OPRK1: variants seen among roughly 807,000 people sequenced by gnomAD.
The protein encoded by OPRK1 is opioid receptor kappa 1, also known as kappa-type opioid receptor.
A neutral mutation model predicts 24.5 loss-of-function variants in OPRK1; 15 were observed. The ratio of observed to expected loss-of-function variants is 0.61; its 90% confidence interval spans 0.41 to 0.94. The LOEUF (loss-of-function observed/expected upper bound fraction) is 0.94. OPRK1 is among the 40% of genes least tolerant of loss of function. OPRK1 has a pLI of 0.00. For missense variants in OPRK1, 479 were observed against 507.3 expected, an observed-to-expected ratio of 0.94 and a Z score of 0.54; for synonymous variants, 205 against 198.0, an observed-to-expected ratio of 1.04 and a Z score of -0.30.
chr8:53,238,401 T>C (rs1341261177), intron 2 of OPRK1: 11 of 325,432 alleles, frequency 3.4e-5, no homozygotes, highest in Non-Finnish European at 4.4e-5. Context: ...GAGCATATGG[T>C]ATGAAAAGAG....
chr8:53,238,061 TAC>T (rs1807034056), intron 2 of OPRK1, among the ~76,000 whole-genome samples: 1 of 152,236 alleles, frequency 6.6e-6, no homozygotes, highest in South Asian at 2.1e-4. Context: ...TTCTGCGTAC[TAC>T]ACTGGACTAC....
chr8:53,247,956 A>G (rs1293425912), intron 2 of OPRK1, among the ~76,000 whole-genome samples: 1 of 133,108 alleles, frequency 7.5e-6, no homozygotes, highest in East Asian at 2.3e-4. Flanking sequence ...ATGCCGCTGC[A>G]CTCCAGCCTG....
At chr8:53,233,423 T>C (rs1806904277) in intron 3 of OPRK1, among the ~76,000 whole-genome samples, 1 of 152,130 alleles carries the variant, frequency 6.6e-6, no homozygotes. Context: ...CTAGATTAAG[T>C]CTAAAAACAA....
chr8:53,227,871 C>T lies in OPRK1; in HGVS notation c.*1426G>A, dbSNP rs199925957. ...TCTATTAAATTCCAGAGGATGCAGC[C>T]CTAGTAATATATAGGCTTGGAGTGT... On this transcript the variant is annotated 3_prime_UTR_variant, in exon 4 of 4. Coordinates refer to ENST00000265572, the MANE Select transcript of OPRK1 (RefSeq NM_000912.5). 7.3e-5 allele frequency: 11 copies of T among 151,666 alleles called. No homozygotes were observed. The highest frequency in any genetic ancestry group is 1.3e-4 in the Non-Finnish European group (9 of 67,994). The allele number at this position is 151,666 out of a possible 1,614,324, so 9.4% of individuals were successfully genotyped here.
At position 53,251,569 on chromosome 8, in the gene OPRK1, G is replaced by A; in HGVS notation, c.-170C>T. ...TCACCTGCTCTCGGACCCCGGCCCC[G>A]CTCTCCGCCCGAGGGCTGCTGTTCC... On this transcript the variant is annotated 5_prime_UTR_variant, in exon 1 of 4. Coordinates refer to ENST00000265572, the MANE Select transcript of OPRK1 (RefSeq NM_000912.5). 6.6e-6 allele frequency: 1 copy of A among 152,600 alleles called. No individual in the cohort carries two copies. The highest frequency in any genetic ancestry group is 1.5e-5 in the Non-Finnish European group (1 of 68,274). The allele number at this position is 152,600 out of a possible 1,614,324, so 9.5% of individuals were successfully genotyped here.
chr8:53,235,745 C>A (rs1318900974), intron 2 of OPRK1, among the ~76,000 whole-genome samples: 1 of 152,124 alleles, frequency 6.6e-6, no homozygotes, highest in African/African-American at 2.4e-5. Flanking sequence ...TAGTATGGTA[C>A]AGCAGAAAAG....
chr8:53,249,824 G>A (rs940704646), intron 2 of OPRK1, among the ~76,000 whole-genome samples: 5 of 151,946 alleles, frequency 3.3e-5, no homozygotes, highest in African/African-American at 9.7e-5. Context: ...CTTGCATCCC[G>A]CCCTTATTTC....
chr8:53,234,139 G>A (rs576702988), intron 3 of OPRK1, among the ~76,000 whole-genome samples: 16 of 137,826 alleles, frequency 1.2e-4, no homozygotes, highest in South Asian at 7.0e-4. Flanking sequence ...AGCCGATATC[G>A]CGCCACTGCA....
At chr8:53,244,911 G>A (rs775468914) in intron 2 of OPRK1, among the ~76,000 whole-genome samples, 20 of 152,096 alleles carry the variant, frequency 1.3e-4, no homozygotes, top group Non-Finnish European at 2.6e-4. Flanking sequence ...GGATGCCCCC[G>A]TCAGATCCAA....
At chr8:53,243,310 T>C (rs1379661939) in intron 2 of OPRK1, among the ~76,000 whole-genome samples, 2 of 152,222 alleles carry the variant, frequency 1.3e-5, no homozygotes, top group Non-Finnish European at 2.9e-5. Context: ...ATATTGCTGC[T>C]GATGAGATGC....
At chr8:53,247,029 C>G (rs1807246002) in intron 2 of OPRK1, among the ~76,000 whole-genome samples, 1 of 152,146 alleles carries the variant, frequency 6.6e-6, no homozygotes, top group African/African-American at 2.4e-5. Flanking sequence ...ATCCAACTAG[C>G]TGGGTATAGG....
intron 2 of OPRK1, among the ~76,000 whole-genome samples, chr8:53,244,772 G>T (rs1050023007): frequency 1.3e-5 from 2 of 152,174 alleles, no homozygotes; most frequent in African/African-American, 4.8e-5. Flanking sequence ...AAGGAGAACA[G>T]AAAGAGGATG....
chr8:53,229,640 C>T lies in OPRK1; in HGVS notation c.800G>A (p.Arg267His), dbSNP rs200420778. The T allele has an allele frequency of 6.8e-6, 11 of 1,614,080 alleles. No individual in the cohort carries two copies. Among genetic ancestry groups the T allele is most frequent in the Admixed American group, 6.7e-5 (4 of 60,020 alleles). The change falls in exon 4 of 4, where the codon CGC (arginine) becomes CAC (histidine). Residue 267 changes from arginine to histidine, a missense_variant. Arg to His is a conservative substitution (Grantham distance 29). Transcript: ENST00000265572. ...RLLSGSREKD[R>H]NLRRITRLVL... is the part of the protein sequence containing the mutation. ...CAGTCTGGTGATCCTACGCAGGTTGCGATCTTTCTCTCGGGAGCCAGAAAG... is the reference window on the plus strand; with the variant it reads ...CAGTCTGGTGATCCTACGCAGGTTGTGATCTTTCTCTCGGGAGCCAGAAAG...
chr8:53,232,994 G>A (rs7832039), intron 3 of OPRK1, among the ~76,000 whole-genome samples: 13,912 of 152,148 alleles, frequency 0.091, 1,189 homozygotes, highest in African/African-American at 0.23. Flanking sequence ...TCTATTTGCT[G>A]TAGGCATGAA....
Position 53,246,357 on chromosome 8 carries a change from G to A in OPRK1, c.257+4424C>T, listed in dbSNP as rs1327406706. On this transcript the variant is annotated intron_variant, in intron 2 of 3. Coordinates refer to ENST00000265572, the MANE Select transcript of OPRK1 (RefSeq NM_000912.5). ...TCAAATGCTCAGGGCAGAGGACTGC[G>A]TGGAAGAAAAGGAAACAAAGAGTAG... Among the ~76,000 whole-genome samples the A allele has an allele frequency of 5.9e-5, 9 of 152,274 alleles. No homozygotes were observed. The South Asian group carries it at 1.0e-3, about 18-fold the overall frequency.
intron 2 of OPRK1, 30 bp downstream of exon 2, chr8:53,250,750 GC>G: frequency 6.4e-7 from 1 of 1,567,234 alleles, no homozygotes; most frequent in Non-Finnish European, 8.7e-7. Flanking sequence ...GCCCCGCCCA[GC>G]CCCCAGCGCT....
At chr8:53,238,946 A>G (rs575239502) in intron 2 of OPRK1, among the ~76,000 whole-genome samples, 2 of 152,270 alleles carry the variant, frequency 1.3e-5, no homozygotes, top group Non-Finnish European at 2.9e-5. Context: ...TGCATTGCCT[A>G]GGTTTGTTTT....
intron 2 of OPRK1, among the ~76,000 whole-genome samples, chr8:53,243,742 G>C (rs1442051495): frequency 6.6e-6 from 1 of 152,172 alleles, no homozygotes; most frequent in South Asian, 2.1e-4. Flanking sequence ...AATTTCTGAA[G>C]TTATTTTTGC....
intron 2 of OPRK1, among the ~76,000 whole-genome samples, chr8:53,238,123 G>C (rs1585633214): frequency 1.3e-5 from 2 of 152,322 alleles, no homozygotes; most frequent in East Asian, 3.9e-4. Context: ...AGGCAGGCTG[G>C]TTGAGCCCCA....
Sources: allele counts gnomAD v4.1 joint callset (sites outside exome capture counted in the v4.1 genomes callset), GRCh38; gene constraint gnomAD v4.1.1; transcripts MANE v1.5; gene names NCBI Gene and HGNC (gene_info 2026-07-23, HGNC 2026-07-21).